The following MTAP variants were observed in gnomAD, a reference collection of about 807,000 sequenced individuals.
MTAP encodes the protein S-methyl-5'-thioadenosine phosphorylase.
Under a neutral mutation model 33.6 loss-of-function variants are expected in MTAP, and 33 were observed. The observed-to-expected ratio is 0.98, with a 90% confidence interval of 0.74 to 1.31. The LOEUF is 1.31. Ranked by LOEUF, MTAP falls within the 40% of genes most tolerant of loss-of-function variation. MTAP has a pLI of 0.00. For missense variants in MTAP, 367 were observed against 360.0 expected, an observed-to-expected ratio of 1.02 and a Z score of -0.16; for synonymous variants, 148 against 125.7, an observed-to-expected ratio of 1.18 and a Z score of -1.19.
In MTAP at chr9:21,865,262, C is replaced by A; in HGVS notation, c.*3248C>A. ...TTATAAGGGGCTTTTCCCCCTTTTG[C>A]TCAACACTTCTTCCTGCCATCATGT... On this transcript the variant is annotated 3_prime_UTR_variant, in exon 8 of 8. Transcript: ENST00000644715. 3 of 431,416 alleles carry A rather than the reference C, an allele frequency of 7.0e-6. No homozygotes were observed. The highest frequency in any genetic ancestry group is 9.3e-6 in the Non-Finnish European group (3 of 323,948). The allele number at this position is 431,416 out of a possible 1,614,324, so 26.7% of individuals were successfully genotyped here.
chr9:21,889,930 C>G (rs1818172040), intron 1 of MTAP, among the ~76,000 whole-genome samples: 1 of 152,158 alleles, frequency 6.6e-6, no homozygotes, highest in South Asian at 2.1e-4. Flanking sequence ...ACAGCATTAG[C>G]TGATACAAGC....
At chr9:21,817,836 A>G (rs956059800) in intron 3 of MTAP, among the ~76,000 whole-genome samples, 199 bp from the exon 4 acceptor site, 1 of 152,058 alleles carries the variant, frequency 6.6e-6, no homozygotes, top group African/African-American at 2.4e-5. Context: ...CACTCTACAT[A>G]TTTGAAACAG....
chr9:21,845,716 T>A (rs1825363080), intron 5 of MTAP, among the ~76,000 whole-genome samples: 1 of 152,066 alleles, frequency 6.6e-6, no homozygotes, highest in Admixed American at 6.6e-5. Flanking sequence ...CAATGCAGTT[T>A]CCTTCAGAAT....
intron 1 of MTAP, among the ~76,000 whole-genome samples, chr9:21,809,518 C>T (rs1211275660): frequency 6.6e-6 from 1 of 151,820 alleles, no homozygotes; most frequent in Non-Finnish European, 1.5e-5. Context: ...AGCCTCCTGT[C>T]ATCCCAGCTA....
At chr9:21,861,683 A>G (rs1427722852) in intron 7 of MTAP, 2 of 411,864 alleles carry the variant, frequency 4.9e-6, no homozygotes, top group Non-Finnish European at 4.4e-6. Context: ...TGCATAAACA[A>G]TAATCCAGGC....
At chr9:21,883,696 A>T (rs149038854) in intron 1 of MTAP, among the ~76,000 whole-genome samples, 1 of 151,504 alleles carries the variant, frequency 6.6e-6, no homozygotes, top group East Asian at 1.9e-4. Context: ...AGCAAAAAAA[A>T]AATCTGCTGA....
At chr9:21,818,762 C>G (rs1316215167) in intron 4 of MTAP, among the ~76,000 whole-genome samples, 2 of 151,886 alleles carry the variant, frequency 1.3e-5, no homozygotes, top group Non-Finnish European at 2.9e-5. Flanking sequence ...AACATATTAC[C>G]CCACATATCA....
At chr9:21,898,211 C>T (rs1308370705) in intron 1 of MTAP, among the ~76,000 whole-genome samples, 4 of 152,182 alleles carry the variant, frequency 2.6e-5, no homozygotes, top group African/African-American at 9.7e-5. Flanking sequence ...CCCTTCCTTA[C>T]ACCTTATGCA....
At chr9:21,920,668 T>C (rs1208115351) in intron 1 of MTAP, among the ~76,000 whole-genome samples, 1 of 152,192 alleles carries the variant, frequency 6.6e-6, no homozygotes, top group Non-Finnish European at 1.5e-5. Flanking sequence ...GAGCAAACAA[T>C]ATGGTCAAAC....
At chr9:21,890,680 A>G (rs1208053244) in intron 1 of MTAP, among the ~76,000 whole-genome samples, 2 of 151,724 alleles carry the variant, frequency 1.3e-5, no homozygotes, top group African/African-American at 2.4e-5. Flanking sequence ...ATTCATTTCA[A>G]CTCTAGGTAA....
intron 1 of MTAP, among the ~76,000 whole-genome samples, chr9:21,900,648 C>G (rs1416418567): frequency 6.6e-6 from 1 of 152,200 alleles, no homozygotes; most frequent in African/African-American, 2.4e-5. Context: ...CCATTCAACC[C>G]AGCAATCCCA....
intron 1 of MTAP, among the ~76,000 whole-genome samples, chr9:21,898,402 A>T (rs1367810513): frequency 1.3e-5 from 2 of 152,250 alleles, no homozygotes; most frequent in African/African-American, 4.8e-5. Context: ...TAAACTAAAG[A>T]GCTTCTGCAT....
chr9:21,839,748 A>G (rs1184025825), intron 5 of MTAP, among the ~76,000 whole-genome samples: 2 of 152,262 alleles, frequency 1.3e-5, no homozygotes, highest in Non-Finnish European at 2.9e-5. Flanking sequence ...CTGATGGAAT[A>G]GGACTGTCAT....
chr9:21,808,612 A>G (rs1191542598), intron 1 of MTAP, among the ~76,000 whole-genome samples: 1 of 150,396 alleles, frequency 6.6e-6, no homozygotes, highest in Non-Finnish European at 1.5e-5. Context: ...AAAAACACAC[A>G]CACACACACA....
chr9:21,931,442 T>G, downstream of MTAP: 1 of 363,056 alleles, frequency 2.8e-6, no homozygotes, highest in Non-Finnish European at 4.9e-6. Context: ...AAAATAATAA[T>G]AGGTTGCAAC....
At chr9:21,880,408 A>C (rs1401410344) in intron 1 of MTAP, among the ~76,000 whole-genome samples, 1 of 152,130 alleles carries the variant, frequency 6.6e-6, no homozygotes, top group Admixed American at 6.6e-5. Context: ...GACAACAATT[A>C]GGCAGGAAAA....
downstream of MTAP, chr9:21,934,331 TCCA>T (rs922736010): frequency 4.6e-5 from 7 of 152,342 alleles, no homozygotes; most frequent in African/African-American, 1.7e-4. The surrounding 1 kb of genome is among the most constrained non-coding windows in gnomAD (Gnocchi z 5.0). Flanking sequence ...TTACAGTTCA[TCCA>T]CAAGGACTCA....
At chr9:21,842,199 C>T (rs1825264396) in intron 5 of MTAP, among the ~76,000 whole-genome samples, 1 of 152,040 alleles carries the variant, frequency 6.6e-6, no homozygotes, top group Non-Finnish European at 1.5e-5. Flanking sequence ...GAAGACAAGG[C>T]TCTTGAATTA....
At chr9:21,821,226 G>C (rs1202300866) in intron 4 of MTAP, among the ~76,000 whole-genome samples, 3 of 152,168 alleles carry the variant, frequency 2.0e-5, no homozygotes, top group Non-Finnish European at 4.4e-5. Context: ...AATGCTTCCA[G>C]TTTTTGCCCA....
Sources: allele counts gnomAD v4.1 joint callset (sites outside exome capture counted in the v4.1 genomes callset), GRCh38; gene constraint gnomAD v4.1.1; non-coding constraint Gnocchi (gnomAD v3.1); transcripts MANE v1.5; gene names NCBI Gene and HGNC (gene_info 2026-07-23, HGNC 2026-07-21).